The following CENPW variants were observed in gnomAD, a reference collection of about 807,000 sequenced individuals.
CENPW encodes the protein cancer-up-regulated gene 2 protein.
CENPW carries 3 observed loss-of-function variants against 11.1 expected under a neutral mutation model. The ratio of observed to expected loss-of-function variants is 0.27; its 90% CI spans 0.12 to 0.70. The LOEUF (loss-of-function observed/expected upper bound fraction) is 0.70, where lower values mean the gene tolerates loss of function less well. Among genes scored for constraint, CENPW ranks in the 30% least tolerant of loss-of-function variants. The probability of loss-of-function intolerance (pLI) is 0.77; values close to 1 mark genes in which losing one functional copy is unlikely to be tolerated. For synonymous variants in CENPW, 38 were observed against 42.0 expected, an observed-to-expected ratio of 0.91 and a Z score of 0.37; for missense variants, 100 against 105.6, an observed-to-expected ratio of 0.95 and a Z score of 0.23.
intron 1 of CENPW, among the ~76,000 whole-genome samples, chr6:126,341,918 G>C (rs1780319164): frequency 6.6e-6 from 1 of 152,162 alleles, no homozygotes; most frequent in Admixed American, 6.5e-5. Context: ...GATCCAGGTG[G>C]CATGGGAAAG....
In CENPW at chr6:126,340,215, C is replaced by T. The variant is rs190907582; in HGVS notation, c.-59C>T. ...TTTCGCTGGCCCAGTGTCCCCGGAG[C>T]TTGTGTGCGATACAGAGAGCACCTC... On this transcript the variant is annotated 5_prime_UTR_variant, in exon 1 of 3. Transcript: ENST00000368328. The T allele has an allele frequency of 2.3e-4, 352 of 1,540,772 alleles. 4 individuals are homozygous for T. The East Asian group carries it at 7.9e-3, about 34-fold the overall frequency.
chr6:126,405,354 A>G, the CENPW span, among the ~76,000 whole-genome samples: 1 of 151,986 alleles, frequency 6.6e-6, no homozygotes, highest in African/African-American at 2.4e-5. Context: ...TTTCTGTCTT[A>G]TTGGCCTATG....
chr6:126,470,070 A>T, the CENPW span, among the ~76,000 whole-genome samples: 1 of 152,314 alleles, frequency 6.6e-6, no homozygotes, highest in Non-Finnish European at 1.5e-5. Context: ...AAAAATTGGT[A>T]AAATAAGGAA....
the CENPW span, among the ~76,000 whole-genome samples, chr6:126,456,826 G>C: frequency 1.3e-4 from 20 of 151,276 alleles, no homozygotes; most frequent in Non-Finnish European, 1.8e-4. Flanking sequence ...ATATCCAATA[G>C]CTATAAGGAA....
At chr6:126,477,794 T>A in the CENPW span, among the ~76,000 whole-genome samples, 1 of 152,026 alleles carries the variant, frequency 6.6e-6, no homozygotes, top group East Asian at 1.9e-4. Flanking sequence ...TGCACATTAT[T>A]TTTGCTTTCT....
the CENPW span, among the ~76,000 whole-genome samples, chr6:126,432,981 C>T: frequency 6.6e-6 from 1 of 152,050 alleles, no homozygotes; most frequent in Admixed American, 6.6e-5. Flanking sequence ...GAAGGAGTGG[C>T]AAGAGAAAAC....
intron 1 of CENPW, among the ~76,000 whole-genome samples, chr6:126,342,667 TAGAA>T (rs1212068100): frequency 6.6e-6 from 1 of 152,156 alleles, no homozygotes; most frequent in Non-Finnish European, 1.5e-5. Flanking sequence ...TTAATGTCCT[TAGAA>T]AGGATCAATC....
At chr6:126,413,891 A>T in the CENPW span, among the ~76,000 whole-genome samples, 7 of 152,002 alleles carry the variant, frequency 4.6e-5, no homozygotes, top group Non-Finnish European at 1.0e-4. Context: ...TGGATTTTTT[A>T]AAATGACCCA....
the CENPW span, among the ~76,000 whole-genome samples, chr6:126,410,932 A>G: frequency 2.8e-4 from 42 of 151,578 alleles, 1 homozygote; most frequent in East Asian, 7.6e-3. Context: ...CCTCTACCTC[A>G]CTGCATTTTC....
the CENPW span, among the ~76,000 whole-genome samples, chr6:126,376,827 G>A: frequency 6.6e-6 from 1 of 152,186 alleles, no homozygotes; most frequent in African/African-American, 2.4e-5. Flanking sequence ...GATAAAAGGA[G>A]AGAAGAGCAC....
At chr6:126,458,281 G>T in the CENPW span, among the ~76,000 whole-genome samples, 1 of 151,256 alleles carries the variant, frequency 6.6e-6, no homozygotes, top group African/African-American at 2.4e-5. Context: ...TCATGGCTAT[G>T]ATCCTCAAAG....
chr6:126,474,522 T>C, the CENPW span, among the ~76,000 whole-genome samples: 3 of 152,134 alleles, frequency 2.0e-5, no homozygotes, highest in Non-Finnish European at 2.9e-5. Context: ...TAACAGGTAG[T>C]TCCCAAAAGA....
the CENPW span, among the ~76,000 whole-genome samples, chr6:126,378,523 T>C: frequency 1.3e-5 from 2 of 151,924 alleles, no homozygotes; most frequent in Non-Finnish European, 2.9e-5. Context: ...ATAAAAAATA[T>C]ACTGGTCGTG....
chr6:126,428,874 T>C, the CENPW span, among the ~76,000 whole-genome samples: 2 of 152,218 alleles, frequency 1.3e-5, no homozygotes, highest in African/African-American at 4.8e-5. Flanking sequence ...AAAATAACTA[T>C]AATTATATAT....
chr6:126,419,612 T>G, the CENPW span, among the ~76,000 whole-genome samples: 1 of 152,122 alleles, frequency 6.6e-6, no homozygotes, highest in East Asian at 1.9e-4. Context: ...TAACACAAAT[T>G]TATTACTTTA....
chr6:126,376,586 C>T, the CENPW span, among the ~76,000 whole-genome samples: 1 of 152,060 alleles, frequency 6.6e-6, no homozygotes, highest in Non-Finnish European at 1.5e-5. Flanking sequence ...TTGATAACAG[C>T]CAGGAGAGGA....
At chr6:126,416,426 G>T in the CENPW span, among the ~76,000 whole-genome samples, 1 of 152,174 alleles carries the variant, frequency 6.6e-6, no homozygotes, top group Admixed American at 6.5e-5. Flanking sequence ...CAAGCTGGCC[G>T]CAGAAATTTG....
chr6:126,421,686 C>T, the CENPW span, among the ~76,000 whole-genome samples: 1 of 151,756 alleles, frequency 6.6e-6, no homozygotes, highest in Non-Finnish European at 1.5e-5. Flanking sequence ...AATTGCCTGG[C>T]AAACCTTCAG....
chr6:126,366,885 G>A, the CENPW span, among the ~76,000 whole-genome samples: 2 of 152,170 alleles, frequency 1.3e-5, no homozygotes, highest in African/African-American at 4.8e-5. Flanking sequence ...GATGGTGGGA[G>A]GGTCAAGACA....
Sources: allele counts gnomAD v4.1 joint callset (sites outside exome capture counted in the v4.1 genomes callset), GRCh38; gene constraint gnomAD v4.1.1; transcripts MANE v1.5; gene names NCBI Gene and HGNC (gene_info 2026-07-23, HGNC 2026-07-21).